The following PCDHA1 variants were observed in gnomAD, a reference collection of about 807,000 sequenced individuals.
The protein encoded by PCDHA1 is protocadherin alpha 1.
In PCDHA1, 42 loss-of-function variants were observed where a neutral mutation model predicts 61.3. The observed-to-expected ratio is 0.69, with a 90% CI of 0.54 to 0.89. PCDHA1 has a LOEUF of 0.89. PCDHA1 is among the 40% of genes least tolerant of loss of function. The pLI, the probability that PCDHA1 is intolerant of heterozygous loss-of-function variation, is 0.00. For synonymous variants in PCDHA1, 610 were observed against 553.8 expected (o/e 1.10, Z -1.43); for missense variants, 1,256 against 1,235.3 (o/e 1.02, Z -0.25).
chr5:140,828,231 G>A (rs1554131117), intron 1 of PCDHA1: 2 of 1,613,882 alleles, frequency 1.2e-6, no homozygotes, highest in Admixed American at 1.7e-5. Flanking sequence ...TTCGTGGGCC[G>A]GATCGCGCAG....
chr5:140,887,224 G>A (rs1554182948), intron 1 of PCDHA1, among the ~76,000 whole-genome samples: 1 of 151,812 alleles, frequency 6.6e-6, no homozygotes, highest in Non-Finnish European at 1.5e-5. Context: ...AGCCTCCCGA[G>A]TAGCTGAGAC....
chr5:140,815,095 C>T (rs1032162122), intron 1 of PCDHA1: 1 of 152,032 alleles, frequency 6.6e-6, no homozygotes, highest in Non-Finnish European at 1.5e-5. Context: ...TAAAGCAAAT[C>T]TCTTGTAGTT....
At chr5:140,903,386 T>C (rs1053060392) in intron 1 of PCDHA1, among the ~76,000 whole-genome samples, 3 of 152,222 alleles carry the variant, frequency 2.0e-5, no homozygotes, top group Non-Finnish European at 4.4e-5. Context: ...TTGTGGTTAC[T>C]TCTAGAAACA....
Position 141,010,316 on chromosome 5 carries a change from G to T in PCDHA1, c.*379G>T. ...GGGCAGGCTGAAAAGTTTTGAGATT[G>T]AGCAGCTTGGGAGTTTGTGGCCACT... On this transcript the variant is annotated 3_prime_UTR_variant, in exon 4 of 4. Coordinates refer to ENST00000504120, the MANE Select transcript of PCDHA1 (RefSeq NM_018900.4). The T allele has an allele frequency of 1.3e-6, 2 of 1,546,404 alleles. No individual in the cohort carries two copies. The highest frequency in any genetic ancestry group is 2.4e-5 in the South Asian group (2 of 83,328).
chr5:140,941,402 C>T (rs544909478), intron 1 of PCDHA1, among the ~76,000 whole-genome samples: 12 of 149,674 alleles, frequency 8.0e-5, no homozygotes, highest in African/African-American at 2.5e-4. Flanking sequence ...CTGCAACCTC[C>T]GCCTCCCGGG....
At chr5:140,868,907 AC>A in intron 1 of PCDHA1, 2 of 869,128 alleles carry the variant, frequency 2.3e-6, no homozygotes, top group Non-Finnish European at 3.4e-6. Flanking sequence ...GTCGCTCTTT[AC>A]TTGGTGGAAA....
chr5:140,837,476 A>G (rs1775072155), intron 1 of PCDHA1, among the ~76,000 whole-genome samples: 1 of 151,156 alleles, frequency 6.6e-6, no homozygotes, highest in African/African-American at 2.4e-5. Flanking sequence ...TCAAACCCCA[A>G]ACCATTTACT....
intron 1 of PCDHA1, chr5:140,869,853 C>T: frequency 1.2e-6 from 2 of 1,610,606 alleles, no homozygotes; most frequent in South Asian, 2.2e-5. Flanking sequence ...ATAAGGTGAG[C>T]CTTATGGAAA....
At chr5:140,804,157 A>AT (rs1763346788) in intron 1 of PCDHA1, 2 of 152,350 alleles carry the variant, frequency 1.3e-5, no homozygotes, top group South Asian at 2.1e-4. Flanking sequence ...CTCAATCCTT[A>AT]TTTTTTACTT....
intron 1 of PCDHA1, chr5:140,968,967 A>G (rs782494657): frequency 2.5e-6 from 4 of 1,614,216 alleles, no homozygotes; most frequent in East Asian, 2.2e-5. Context: ...TGCTACCGCT[A>G]CACTGCGTAT....
intron 1 of PCDHA1, among the ~76,000 whole-genome samples, chr5:140,948,492 A>G (rs915795889): frequency 4.0e-5 from 6 of 151,594 alleles, no homozygotes; most frequent in Non-Finnish European, 8.9e-5. Flanking sequence ...AATTTCTTTC[A>G]TAGACTTTCT....
intron 1 of PCDHA1, chr5:140,850,587 G>C: frequency 1.3e-6 from 2 of 1,598,490 alleles, no homozygotes; most frequent in Non-Finnish European, 1.7e-6. Flanking sequence ...GGATGTCAAC[G>C]TGTACCTGAT....
intron 1 of PCDHA1, chr5:140,877,005 C>A (rs1433546348): frequency 6.2e-7 from 1 of 1,612,356 alleles, no homozygotes; most frequent in African/African-American, 1.3e-5. Flanking sequence ...TGTCGGTGCA[C>A]GCGGAGAGCG....
intron 1 of PCDHA1, among the ~76,000 whole-genome samples, chr5:140,905,012 C>A (rs1335177928): frequency 6.6e-6 from 1 of 152,054 alleles, no homozygotes; most frequent in Non-Finnish European, 1.5e-5. Context: ...TTTGCTAATT[C>A]TTTTCTATGC....
At chr5:140,997,986 A>C (rs1554256110) in intron 3 of PCDHA1, among the ~76,000 whole-genome samples, 2 of 152,186 alleles carry the variant, frequency 1.3e-5, no homozygotes, top group African/African-American at 4.8e-5. Flanking sequence ...CACTTGTTAC[A>C]TACTTCCCTC....
At chr5:141,001,811 C>T (rs1200900455) in intron 3 of PCDHA1, among the ~76,000 whole-genome samples, 1 of 152,128 alleles carries the variant, frequency 6.6e-6, no homozygotes, top group Non-Finnish European at 1.5e-5. Flanking sequence ...ATTCTACAAT[C>T]GGCCAAATTC....
intron 1 of PCDHA1, chr5:140,795,492 G>A (rs1021153490): frequency 9.3e-6 from 15 of 1,614,152 alleles, no homozygotes; most frequent in Admixed American, 1.7e-5. Flanking sequence ...GCTCCAGTGA[G>A]TTTTTCTTCC....
chr5:140,969,221 C>T, intron 1 of PCDHA1: 2 of 1,614,158 alleles, frequency 1.2e-6, no homozygotes, highest in Non-Finnish European at 1.7e-6. Context: ...AGGACCAGGG[C>T]CTTCGGGAGC....
intron 1 of PCDHA1, chr5:140,808,674 A>C (rs782032441): frequency 5.5e-5 from 89 of 1,612,590 alleles, no homozygotes; most frequent in Non-Finnish European, 7.3e-5. Flanking sequence ...TCGCTGGTAG[A>C]GCGGCGGGTA....
Sources: gnomAD v4.1 joint callset for allele counts (sites outside exome capture counted in the v4.1 genomes callset) on GRCh38, gnomAD v4.1.1 for gene constraint, MANE v1.5 for transcripts, NCBI Gene and HGNC (gene_info 2026-07-23, HGNC 2026-07-21) for gene names.